Variants in LRP1B observed in about 807,000 individuals in gnomAD.
LRP1B encodes the protein LDL receptor related protein 1B, also known as low-density lipoprotein receptor-related protein 1B.
LRP1B carries 217 observed loss-of-function variants against 556.6 expected under a neutral mutation model. The ratio of observed to expected loss-of-function variants is 0.39; its 90% CI spans 0.35 to 0.44. The LOEUF is 0.44. LRP1B is among the 20% of genes least tolerant of loss of function. The pLI, the probability that LRP1B is intolerant of heterozygous loss-of-function variation, is 1.00. For missense variants in LRP1B, 5,053 were observed against 5,620.8 expected (o/e 0.90, Z 3.23); for synonymous variants, 2,047 against 1,865.8 (o/e 1.10, Z -2.50).
intron 83 of LRP1B, among the ~76,000 whole-genome samples, chr2:140,312,069 G>T: frequency 6.6e-6 from 1 of 151,652 alleles, no homozygotes; most frequent in East Asian, 1.9e-4. Context: ...ACTTCCGGGG[G>T]AAAAAAAATC....
At chr2:141,280,137 C>T (rs1052224640) in intron 3 of LRP1B, among the ~76,000 whole-genome samples, 1 of 151,992 alleles carries the variant, frequency 6.6e-6, no homozygotes, top group African/African-American at 2.4e-5. Flanking sequence ...TACTACGTTG[C>T]GTGAATTTTT....
chr2:142,010,499 G>T (rs1477262140), intron 1 of LRP1B, among the ~76,000 whole-genome samples: 2 of 139,908 alleles, frequency 1.4e-5, no homozygotes, highest in East Asian at 4.5e-4. Context: ...AGCTTGCAGT[G>T]AGCCGAGATC....
At chr2:141,266,667 C>T (rs979806261) in intron 3 of LRP1B, among the ~76,000 whole-genome samples, 1 of 152,140 alleles carries the variant, frequency 6.6e-6, no homozygotes, top group Non-Finnish European at 1.5e-5. Context: ...TAAACAACTG[C>T]TTATTTTGAA....
At chr2:140,846,089 G>C (rs1423163317) in intron 29 of LRP1B, among the ~76,000 whole-genome samples, 1 of 152,100 alleles carries the variant, frequency 6.6e-6, no homozygotes, top group East Asian at 1.9e-4. Context: ...AGTAGCTAGA[G>C]AGCAAAGAGA....
At chr2:141,914,586 T>C (rs999334047) in intron 1 of LRP1B, among the ~76,000 whole-genome samples, 1 of 152,190 alleles carries the variant, frequency 6.6e-6, no homozygotes, top group Non-Finnish European at 1.5e-5. Flanking sequence ...GATGATATGA[T>C]TCCATACCTA....
chr2:140,683,913 G>A, intron 41 of LRP1B: 2 of 478,134 alleles, frequency 4.2e-6, no homozygotes, highest in Admixed American at 3.3e-5. Flanking sequence ...GGCTGCCCGC[G>A]GCTTGCCCCC....
At chr2:141,444,380 A>C (rs938199137) in intron 3 of LRP1B, among the ~76,000 whole-genome samples, 3 of 152,122 alleles carry the variant, frequency 2.0e-5, no homozygotes, top group African/African-American at 7.2e-5. Context: ...TCTCAAATAG[A>C]GATAATTTGA....
intron 3 of LRP1B, among the ~76,000 whole-genome samples, chr2:141,285,832 C>A (rs576837248): frequency 1.4e-5 from 2 of 147,548 alleles, no homozygotes; most frequent in Admixed American, 6.7e-5. Context: ...TTTGGGAGGC[C>A]GAGGCGGGCG....
At chr2:140,815,341 T>C (rs1231399925) in intron 31 of LRP1B, among the ~76,000 whole-genome samples, 1 of 152,068 alleles carries the variant, frequency 6.6e-6, no homozygotes, top group East Asian at 1.9e-4. Context: ...GGGGTCTCAC[T>C]CTGTTGCCCG....
chr2:141,950,881 T>G, intron 1 of LRP1B, among the ~76,000 whole-genome samples: 1 of 152,158 alleles, frequency 6.6e-6, no homozygotes, highest in Non-Finnish European at 1.5e-5. Context: ...TGCCTAAATC[T>G]TTGATAAACA....
At chr2:140,719,683 T>C (rs1471970304) in intron 35 of LRP1B, among the ~76,000 whole-genome samples, 1 of 152,046 alleles carries the variant, frequency 6.6e-6, no homozygotes, top group African/African-American at 2.4e-5. Flanking sequence ...ACTGAAGCTA[T>C]CTCTAAATGG....
At chr2:141,001,677 G>A (rs6736784) in intron 15 of LRP1B, among the ~76,000 whole-genome samples, 92,009 of 152,006 alleles carry the variant, frequency 0.61, 28,207 homozygotes, top group Admixed American at 0.65. Context: ...ACCAAAATAA[G>A]AGCACTTTTT....
chr2:142,086,368 G>T (rs1265358393), intron 1 of LRP1B, among the ~76,000 whole-genome samples: 1 of 152,104 alleles, frequency 6.6e-6, no homozygotes, highest in Non-Finnish European at 1.5e-5. Flanking sequence ...CCCAGCACTT[G>T]GGAGGCCGAG....
At chr2:141,033,121 C>T (rs779976239) in intron 11 of LRP1B, among the ~76,000 whole-genome samples, 26 of 151,680 alleles carry the variant, frequency 1.7e-4, no homozygotes, top group Non-Finnish European at 2.8e-4. Flanking sequence ...GGACAGAAAA[C>T]AGCACGTGGT....
intron 32 of LRP1B, among the ~76,000 whole-genome samples, chr2:140,795,349 A>G (rs1185277171): frequency 1.3e-5 from 2 of 152,180 alleles, no homozygotes; most frequent in East Asian, 3.9e-4. Context: ...CTATATAAAA[A>G]CTACGAACAA....
intron 1 of LRP1B, among the ~76,000 whole-genome samples, chr2:142,081,422 T>C (rs1425223726): frequency 1.3e-5 from 2 of 152,148 alleles, no homozygotes; most frequent in African/African-American, 4.8e-5. Flanking sequence ...TACCTTGTGC[T>C]CTCAAAGATT....
intron 2 of LRP1B, among the ~76,000 whole-genome samples, chr2:141,555,517 A>C (rs1685929004): frequency 6.6e-6 from 1 of 151,946 alleles, no homozygotes; most frequent in South Asian, 2.1e-4. Context: ...TCTCTGGTTA[A>C]ATAAATGAGT....
At chr2:141,147,975 A>G (rs1701827909) in intron 7 of LRP1B, among the ~76,000 whole-genome samples, 1 of 152,206 alleles carries the variant, frequency 6.6e-6, no homozygotes, top group African/African-American at 2.4e-5. Flanking sequence ...GCAGTAAGTT[A>G]TGTCATATAG....
intron 2 of LRP1B, among the ~76,000 whole-genome samples, chr2:141,761,307 T>C (rs982020873): frequency 1.3e-5 from 2 of 152,098 alleles, no homozygotes; most frequent in African/African-American, 4.8e-5. Flanking sequence ...AACTCTTTGT[T>C]CATATATCCT....
Sources: gnomAD v4.1 joint callset for allele counts (sites outside exome capture counted in the v4.1 genomes callset) on GRCh38, gnomAD v4.1.1 for gene constraint, MANE v1.5 for transcripts, NCBI Gene and HGNC (gene_info 2026-07-23, HGNC 2026-07-21) for gene names.